HNRNPD: variants seen among roughly 807,000 people sequenced by gnomAD.
The protein encoded by HNRNPD is heterogeneous nuclear ribonucleoprotein D0.
In HNRNPD, 3 loss-of-function variants were observed where a neutral mutation model predicts 47.9. That is an observed-to-expected ratio of 0.06 (90% confidence interval 0.03 to 0.16). HNRNPD has a LOEUF of 0.16. HNRNPD is among the 10% of genes least tolerant of loss of function. HNRNPD has a pLI of 1.00. For missense variants in HNRNPD, 287 were observed against 454.2 expected, an observed-to-expected ratio of 0.63 and a Z score of 3.35; for synonymous variants, 171 against 165.1, an observed-to-expected ratio of 1.04 and a Z score of -0.28.
intron 2 of HNRNPD, among the ~76,000 whole-genome samples, chr4:82,366,319 C>T (rs1719754684): frequency 6.6e-6 from 1 of 152,210 alleles, no homozygotes. Context: ...TCTTGGCTCA[C>T]TGCAACCTCT....
At chr4:82,362,477 A>G (rs1378656483) in intron 2 of HNRNPD, among the ~76,000 whole-genome samples, 1 of 139,528 alleles carries the variant, frequency 7.2e-6, no homozygotes, top group Non-Finnish European at 1.5e-5. Flanking sequence ...GGGTATGCTT[A>G]GGCTTTAAAA....
chr4:82,355,171 A>C, intron 8 of HNRNPD, 133 bp downstream of exon 8: 1 of 639,640 alleles, frequency 1.6e-6, no homozygotes, highest in South Asian at 1.9e-5. Flanking sequence ...TATCTTTGAA[A>C]GTCACTATGT....
At chr4:82,362,181 C>T (rs539898088) in intron 2 of HNRNPD, among the ~76,000 whole-genome samples, 18 of 152,238 alleles carry the variant, frequency 1.2e-4, no homozygotes, top group African/African-American at 4.1e-4. Context: ...TTAGAATATC[C>T]ACAGGGTCTT....
At chr4:82,373,089 G>A (rs961897643) in intron 1 of HNRNPD, 13 of 506,912 alleles carry the variant, frequency 2.6e-5, no homozygotes, top group Admixed American at 4.6e-5. Context: ...AAGGGAAAAA[G>A]AGGGGACAGC....
intron 1 of HNRNPD, chr4:82,372,972 T>C (rs1720141201): frequency 1.4e-5 from 5 of 349,686 alleles, no homozygotes; most frequent in South Asian, 8.7e-5. Flanking sequence ...CATGTGCTTA[T>C]AAACAATCGC....
rs1560431837 is a variant in HNRNPD at position 82,353,573 on chromosome 4, T to C, written c.*612A>G. The C allele has an allele frequency of 6.6e-6, 1 of 152,628 alleles. No homozygotes were observed. The highest frequency in any genetic ancestry group is 6.5e-5 in the Admixed American group (1 of 15,278). 9.5% of individuals were successfully genotyped at this position (152,628 alleles called of 1,614,324 possible). A position where few individuals can be genotyped will look rare whatever the true frequency, so the allele number is the denominator to read the frequency against. On this transcript the variant is annotated 3_prime_UTR_variant, in exon 9 of 9. Transcript: ENST00000313899. ...AGCAAAAACTGGGCATTTGGGAAAA[T>C]ATTCATATAAATCTTAATGGCTACA...
chr4:82,373,263 G>A (rs1270580182), intron 1 of HNRNPD, 183 bp downstream of exon 1: 10 of 827,320 alleles, frequency 1.2e-5, no homozygotes, highest in Admixed American at 4.6e-5. Flanking sequence ...GCGATAAGCA[G>A]GCAAAGGAAG....
chr4:82,371,922 C>T (rs1033932390), intron 1 of HNRNPD, among the ~76,000 whole-genome samples: 1 of 151,956 alleles, frequency 6.6e-6, no homozygotes, highest in Admixed American at 6.6e-5. Context: ...AGTTTGCTTC[C>T]CTTCCCACCA....
intron 1 of HNRNPD, chr4:82,373,182 G>C (rs1330140902): frequency 4.5e-6 from 3 of 666,818 alleles, no homozygotes; most frequent in Non-Finnish European, 8.2e-6. Flanking sequence ...TGGCGAGGGA[G>C]GAAAGGAGGG....
intron 2 of HNRNPD, among the ~76,000 whole-genome samples, chr4:82,368,225 T>C (rs991667548): frequency 2.0e-5 from 3 of 152,184 alleles, no homozygotes; most frequent in Non-Finnish European, 4.4e-5. Context: ...AATCACATCC[T>C]TCACGTTGGC....
intron 2 of HNRNPD, among the ~76,000 whole-genome samples, chr4:82,369,996 G>A (rs1336322956): frequency 6.6e-6 from 1 of 152,070 alleles, no homozygotes; most frequent in Non-Finnish European, 1.5e-5. Context: ...TACAAAATTA[G>A]CCAGGCATGG....
Position 82,356,679 on chromosome 4 carries a change from G to A in HNRNPD, c.858C>T (p.Pro286=), listed in dbSNP as rs1384967353. Residue 286 remains proline (P), a synonymous_variant, in exon 7 of 9, where the codon CCC becomes CCT. Coordinates refer to ENST00000313899, the MANE Select transcript of HNRNPD (RefSeq NM_031370.3). ...AGRARGRGGG[P]SQNWNQGYSN... is the part of the protein sequence containing the mutation. The stretch of plus-strand genomic sequence containing the variant: ...TATATCCCTGGTTCCAGTTTTGACT[G>A]GGGCCTGCAGCACATTAATAGGTTC... 1 of 1,613,274 alleles carries A rather than the reference G, an allele frequency of 6.2e-7. No individual in the cohort carries two copies. Among genetic ancestry groups the A allele is most frequent in the Non-Finnish European group, 8.5e-7 (1 of 1,179,942 alleles).
intron 2 of HNRNPD, 35 bp downstream of exon 2, chr4:82,371,493 C>A: frequency 6.4e-7 from 1 of 1,551,184 alleles, no homozygotes; most frequent in Non-Finnish European, 8.8e-7. Flanking sequence ...CTACTGAAAC[C>A]TTTATAATAC....
intron 1 of HNRNPD, among the ~76,000 whole-genome samples, chr4:82,372,841 A>G (rs901753698): frequency 6.6e-6 from 1 of 152,204 alleles, no homozygotes; most frequent in Non-Finnish European, 1.5e-5. Flanking sequence ...ATTGTGCGAT[A>G]GCGTATGGTG....
At chr4:82,359,955 C>A (rs1302584016) in intron 2 of HNRNPD, among the ~76,000 whole-genome samples, 2 of 152,068 alleles carry the variant, frequency 1.3e-5, no homozygotes, top group South Asian at 2.1e-4. Flanking sequence ...AGCAAAAAAA[C>A]CAGAATCTTA....
rs1723575201 is a variant in HNRNPD at position 82,353,228 on chromosome 4, C to CTA, written c.*955_*956dup. The CTA allele has an allele frequency of 6.6e-6, 1 of 152,128 alleles. No individual in the cohort carries two copies. Among genetic ancestry groups the CTA allele is most frequent in the African/African-American group, 2.4e-5 (1 of 41,414 alleles). 9.4% of individuals were successfully genotyped at this position (152,128 alleles called of 1,614,324 possible). A position where few individuals can be genotyped will look rare whatever the true frequency, so the allele number is the denominator to read the frequency against. ...TCAAAAAGTTCCTTAGGCACACATA[C>CTA]TAATAATCACAGTCCTGAAATTTTA... On this transcript the variant is annotated 3_prime_UTR_variant, in exon 9 of 9. Coordinates refer to ENST00000313899, the MANE Select transcript of HNRNPD (RefSeq NM_031370.3).
intron 4 of HNRNPD, 141 bp downstream of exon 4, chr4:82,358,518 A>G (rs1723824432): frequency 1.4e-6 from 1 of 730,222 alleles, no homozygotes; most frequent in Non-Finnish European, 2.3e-6. Context: ...CTAATGAAGT[A>G]TTTACAATAT....
chr4:82,364,570 G>C (rs62313373), intron 2 of HNRNPD, among the ~76,000 whole-genome samples: 77 of 152,160 alleles, frequency 5.1e-4, no homozygotes, highest in African/African-American at 1.7e-3. Context: ...AAAAGGAAAA[G>C]GCCACAATGA....
intron 2 of HNRNPD, among the ~76,000 whole-genome samples, chr4:82,365,613 A>T (rs551983343): frequency 6.6e-6 from 1 of 152,014 alleles, no homozygotes; most frequent in East Asian, 1.9e-4. Context: ...ATTCATGAAA[A>T]CCACTTTTTT....
Sources: allele counts gnomAD v4.1 joint callset (sites outside exome capture counted in the v4.1 genomes callset), GRCh38; gene constraint gnomAD v4.1.1; transcripts MANE v1.5; gene names NCBI Gene and HGNC (gene_info 2026-07-23, HGNC 2026-07-21).